DCC: variants seen among roughly 807,000 people sequenced by gnomAD.
DCC encodes netrin receptor DCC.
DCC carries 58 observed loss-of-function variants against 172.5 expected under a neutral mutation model. That is an observed-to-expected ratio of 0.34 (90% CI 0.27 to 0.42). DCC has a LOEUF of 0.42. Among genes scored for constraint, DCC ranks in the 10% least tolerant of loss-of-function variants. The pLI, the probability that DCC is intolerant of heterozygous loss-of-function variation, is 1.00. For missense variants in DCC, 1,740 were observed against 1,791.0 expected, an observed-to-expected ratio of 0.97 and a Z score of 0.51; for synonymous variants, 709 against 644.5, an observed-to-expected ratio of 1.10 and a Z score of -1.52.
intron 1 of DCC, among the ~76,000 whole-genome samples, chr18:52,747,389 C>T (rs1241186298): frequency 6.6e-6 from 1 of 152,208 alleles, no homozygotes; most frequent in African/African-American, 2.4e-5. Flanking sequence ...AAATAAACTT[C>T]TCCATTAGGT....
intron 1 of DCC, among the ~76,000 whole-genome samples, chr18:52,717,384 C>G (rs1335967238): frequency 6.6e-6 from 1 of 150,498 alleles, no homozygotes; most frequent in Non-Finnish European, 1.5e-5. Flanking sequence ...ACTTGAGGCT[C>G]GGGCCACTCC....
chr18:52,914,577 T>C (rs918564401), intron 3 of DCC, among the ~76,000 whole-genome samples: 1 of 152,152 alleles, frequency 6.6e-6, no homozygotes, highest in South Asian at 2.1e-4. Flanking sequence ...ATGGAAGTTT[T>C]CATTTTTTTA....
intron 5 of DCC, among the ~76,000 whole-genome samples, chr18:52,929,109 C>T (rs1421905357): frequency 7.2e-5 from 11 of 152,132 alleles, no homozygotes; most frequent in Admixed American, 7.2e-4. Flanking sequence ...CCTCGAGGAG[C>T]TGCCTCTCTA....
chr18:52,960,034 G>T (rs1265697846), intron 5 of DCC, among the ~76,000 whole-genome samples: 6 of 152,026 alleles, frequency 3.9e-5, no homozygotes, highest in Non-Finnish European at 8.8e-5. Context: ...AAATGAAAAG[G>T]TATAGTTTCT....
rs143051616 is a variant in DCC, at chr18:52,998,443, G to C, written c.986-64862G>C. Among the ~76,000 whole-genome samples the C allele has an allele frequency of 6.8e-4, 104 of 152,146 alleles. No individual in the cohort carries two copies. The East Asian group carries it at 0.018, about 27-fold the overall frequency. On this transcript the variant is annotated intron_variant, in intron 5 of 28. Transcript: ENST00000442544. The stretch of plus-strand genomic sequence containing the variant: ...CACGAGCATAAAATTTCTGATTCAC[G>C]AAGGTAGATTTCTCTTAATAGACTT...
intron 1 of DCC, among the ~76,000 whole-genome samples, chr18:52,538,929 G>C (rs1302334347): frequency 6.6e-6 from 1 of 152,198 alleles, no homozygotes; most frequent in South Asian, 2.1e-4. Context: ...ATAATGTGTG[G>C]TGGATGACAT....
chr18:53,302,023 A>T (rs916569616), intron 12 of DCC, among the ~76,000 whole-genome samples: 2 of 152,192 alleles, frequency 1.3e-5, no homozygotes, highest in Non-Finnish European at 2.9e-5. Flanking sequence ...GGCCTCGCTC[A>T]CTTGGCTTAT....
At chr18:53,358,242 A>G (rs1221126066) in intron 15 of DCC, among the ~76,000 whole-genome samples, 1 of 152,092 alleles carries the variant, frequency 6.6e-6, no homozygotes, top group African/African-American at 2.4e-5. Flanking sequence ...AGATGAATTC[A>G]GTATAATATA....
chr18:53,350,755 T>C (rs1377634207), intron 15 of DCC, among the ~76,000 whole-genome samples: 30 of 152,088 alleles, frequency 2.0e-4, no homozygotes, highest in Admixed American at 2.0e-3. Context: ...TGTCAAACTT[T>C]ATATTGTGGT....
At chr18:53,398,530 C>T (rs1909097988) in intron 18 of DCC, among the ~76,000 whole-genome samples, 2 of 151,988 alleles carry the variant, frequency 1.3e-5, no homozygotes, top group Non-Finnish European at 2.9e-5. Flanking sequence ...ATAGAGTAAA[C>T]AAGTAAACAG....
At position 52,745,464 on chromosome 18, in the gene DCC, G is replaced by T. The variant is rs145694836; in HGVS notation, c.92-6590G>T. ...CAGTTTCTGATTGGGTAGGTATGGG[G>T]CAGGGCCTAGAATTGTGCATTTTAA... On this transcript the variant is annotated intron_variant, in intron 1 of 28. Transcript: ENST00000442544. Among the ~76,000 whole-genome samples, 305 of 152,134 alleles carry T rather than the reference G, an allele frequency of 2.0e-3. 2 individuals carry two copies. Among genetic ancestry groups the T allele is most frequent in the African/African-American group, 6.4e-3 (264 of 41,388 alleles).
At chr18:53,144,430 A>G (rs941120708) in intron 7 of DCC, among the ~76,000 whole-genome samples, 11 of 152,316 alleles carry the variant, frequency 7.2e-5, no homozygotes, top group African/African-American at 2.6e-4. Flanking sequence ...CCTGGCAATC[A>G]TGATGGAAGA....
intron 12 of DCC, among the ~76,000 whole-genome samples, chr18:53,303,351 G>A (rs773793657): frequency 3.3e-5 from 5 of 152,054 alleles, no homozygotes; most frequent in Admixed American, 6.6e-5. Context: ...TATTAATGAC[G>A]TCTTTTTGGA....
chr18:53,476,310 G>A (rs2045762007), intron 25 of DCC, among the ~76,000 whole-genome samples: 1 of 152,068 alleles, frequency 6.6e-6, no homozygotes. Flanking sequence ...AGAATTGAGA[G>A]GGGCCAGGGG....
At chr18:52,774,151 C>G (rs943481631) in intron 2 of DCC, among the ~76,000 whole-genome samples, 8 of 152,336 alleles carry the variant, frequency 5.3e-5, no homozygotes, top group African/African-American at 1.9e-4. Flanking sequence ...TCAGCATCAT[C>G]TGGGAACTTG....
intron 12 of DCC, among the ~76,000 whole-genome samples, chr18:53,283,740 A>G (rs1347401118): frequency 6.6e-6 from 1 of 152,188 alleles, no homozygotes; most frequent in East Asian, 1.9e-4. Flanking sequence ...ATATATTTCA[A>G]ATCTGCAATT....
intron 1 of DCC, among the ~76,000 whole-genome samples, chr18:52,585,039 A>C (rs1319886141): frequency 6.6e-6 from 1 of 152,214 alleles, no homozygotes; most frequent in Non-Finnish European, 1.5e-5. Context: ...TCGAGTAGCT[A>C]ACATATCACT....
chr18:53,303,772 C>T (rs192521925), intron 12 of DCC, among the ~76,000 whole-genome samples: 1 of 152,288 alleles, frequency 6.6e-6, no homozygotes, highest in Non-Finnish European at 1.5e-5. Context: ...AGTGCTCTTT[C>T]AGCTCTGCCA....
At chr18:52,533,529 C>A (rs1027979899) in intron 1 of DCC, among the ~76,000 whole-genome samples, 3 of 151,810 alleles carry the variant, frequency 2.0e-5, no homozygotes, top group African/African-American at 7.3e-5. Context: ...TTTTGCTTAT[C>A]ATAATTTCCC....
Sources: allele counts gnomAD v4.1 joint callset (sites outside exome capture counted in the v4.1 genomes callset), GRCh38; gene constraint gnomAD v4.1.1; transcripts MANE v1.5; gene names NCBI Gene and HGNC (gene_info 2026-07-23, HGNC 2026-07-21).